The following CYFIP1 variants were observed in gnomAD, a reference collection of about 807,000 sequenced individuals.
The protein encoded by CYFIP1 is cytoplasmic FMR1-interacting protein 1.
In CYFIP1, 58 loss-of-function variants were observed where a neutral mutation model predicts 163.5. The ratio of observed to expected loss-of-function variants is 0.35; its 90% CI spans 0.29 to 0.44. The LOEUF (loss-of-function observed/expected upper bound fraction) is 0.44. Among genes scored for constraint, CYFIP1 ranks in the 20% least tolerant of loss-of-function variants. The pLI, the probability that CYFIP1 is intolerant of heterozygous loss-of-function variation, is 1.00. For synonymous variants in CYFIP1, 663 were observed against 660.7 expected (o/e 1.00, Z -0.05); for missense variants, 1,338 against 1,653.8 (o/e 0.81, Z 3.31).
At chr15:22,912,936 A>C (rs1282095036) in intron 17 of CYFIP1, among the ~76,000 whole-genome samples, 1 of 149,200 alleles carries the variant, frequency 6.7e-6, no homozygotes, top group Admixed American at 6.7e-5. Context: ...AATGATAGAG[A>C]ATGAACTCCA....
chr15:22,943,906 C>A (rs140878620), intron 5 of CYFIP1, among the ~76,000 whole-genome samples: 7 of 152,010 alleles, frequency 4.6e-5, no homozygotes, highest in Non-Finnish European at 8.8e-5. Flanking sequence ...CAGGGTGAGG[C>A]TAACAGCAAG....
chr15:22,932,221 A>C lies in CYFIP1; in HGVS notation c.1110+2T>G. On this transcript the variant is annotated splice_donor_variant, in intron 11 of 30. Coordinates refer to ENST00000617928, the MANE Select transcript of CYFIP1 (RefSeq NM_014608.6). LOFTEE classifies it high-confidence loss of function. ...TGTGCAGCTCCAGGTCGCGGGGCGC[A>C]CCTCGCTGTTGCTGTAGCGCGCCAG... 1 of 1,607,382 alleles carries C rather than the reference A, an allele frequency of 6.2e-7. No individual in the cohort carries two copies. The highest frequency in any genetic ancestry group is 8.5e-7 in the Non-Finnish European group (1 of 1,176,098).
intron 28 of CYFIP1, 34 bp from the exon 29 acceptor site, chr15:22,873,763 C>T (rs2059502853): frequency 2.6e-6 from 4 of 1,549,474 alleles, no homozygotes; most frequent in Non-Finnish European, 3.5e-6. Flanking sequence ...ATGCCGTGGG[C>T]CTCCAGGCAT....
intron 1 of CYFIP1, among the ~76,000 whole-genome samples, chr15:22,974,572 T>C (rs1595741718): frequency 3.9e-5 from 6 of 152,064 alleles, no homozygotes; most frequent in Admixed American, 3.9e-4. Flanking sequence ...CTACTAAAAA[T>C]GCAAAAAAAT....
In CYFIP1 at chr15:22,932,240, G is replaced by A. The variant is rs1271814625; in HGVS notation, c.1093C>T (p.Arg365Cys). 26 of 1,611,484 alleles carry A rather than the reference G, an allele frequency of 1.6e-5. No homozygotes were observed. The highest frequency in any genetic ancestry group is 5.0e-5 in the Admixed American group (3 of 59,620). ...DHMRFISELA[R>C]YSNSEVVTGS... Reference sequence around the variant, plus strand: ...GGGCGCACCTCGCTGTTGCTGTAGCGCGCCAGCTCCGAAATGAAGCGCATG... The same window carrying A: ...GGGCGCACCTCGCTGTTGCTGTAGCACGCCAGCTCCGAAATGAAGCGCATG... Residue 365 changes from arginine (R) to cysteine (C), a missense_variant, in exon 11 of 31, where the codon CGC becomes TGC. By Grantham distance (180) the Arg-to-Cys change is radical. This residue lies in a region of CYFIP1 where 824 missense variants were observed against 995.7 expected (regional missense o/e 0.83). Transcript: ENST00000617928.
At chr15:22,936,554 G>A (rs1254985924) in intron 9 of CYFIP1, among the ~76,000 whole-genome samples, 1 of 152,154 alleles carries the variant, frequency 6.6e-6, no homozygotes. Flanking sequence ...TGATGGGAAC[G>A]GAGATCAGGA....
intron 13 of CYFIP1, among the ~76,000 whole-genome samples, chr15:22,922,828 C>T (rs1240597042): frequency 1.3e-5 from 2 of 152,044 alleles, no homozygotes; most frequent in African/African-American, 2.4e-5. Flanking sequence ...CCTGTCTCTA[C>T]TAAAAATGCA....
At position 22,910,672 on chromosome 15, in the gene CYFIP1, T is replaced by G. The variant is rs2060757144; in HGVS notation, c.2160-44A>C. 3 of 1,606,162 alleles carry G rather than the reference T, an allele frequency of 1.9e-6. 1 individual carries two copies. Among genetic ancestry groups the G allele is most frequent in the African/African-American group, 2.7e-5 (2 of 74,708 alleles). The stretch of plus-strand genomic sequence containing the variant: ...AGAAAGTTTTTCATACGCCATAAAT[T>G]GTAATGGGAATGTCAGATCAAATTA... On this transcript the variant is annotated intron_variant, in intron 19 of 30. Transcript: ENST00000617928.
intron 24 of CYFIP1, among the ~76,000 whole-genome samples, chr15:22,882,636 C>T (rs1367257170): frequency 6.6e-6 from 1 of 152,012 alleles, no homozygotes; most frequent in African/African-American, 2.4e-5. Context: ...AAGACCCCCT[C>T]TCTACACATA....
intron 22 of CYFIP1, among the ~76,000 whole-genome samples, chr15:22,902,340 C>A (rs1392273748): frequency 6.6e-6 from 1 of 152,184 alleles, no homozygotes; most frequent in African/African-American, 2.4e-5. Context: ...AGGCGCCTGG[C>A]CATCCCCTCC....
intron 13 of CYFIP1, among the ~76,000 whole-genome samples, chr15:22,925,169 T>C (rs1284938044): frequency 6.6e-6 from 1 of 152,190 alleles, no homozygotes; most frequent in Admixed American, 6.5e-5. Context: ...TCATGATCCA[T>C]AGGATTGTTC....
At chr15:22,888,488 T>C (rs1315845753) in intron 23 of CYFIP1, among the ~76,000 whole-genome samples, 1 of 152,102 alleles carries the variant, frequency 6.6e-6, no homozygotes, top group African/African-American at 2.4e-5. Flanking sequence ...TCCCAGCACT[T>C]TGGGAGGCCC....
At chr15:22,911,936 CA>C (rs1158828141) in intron 18 of CYFIP1, among the ~76,000 whole-genome samples, 1 of 152,142 alleles carries the variant, frequency 6.6e-6, no homozygotes, top group African/African-American at 2.4e-5. Flanking sequence ...CATCAAAGAT[CA>C]TGCTCATAAC....
chr15:22,918,059 T>C, intron 14 of CYFIP1, 124 bp from the exon 15 acceptor site: 1 of 1,100,910 alleles, frequency 9.1e-7, no homozygotes, highest in Non-Finnish European at 1.3e-6. Flanking sequence ...CAAATTACTC[T>C]GGGGGCCATG....
chr15:22,888,531 CG>C (rs771034400), intron 23 of CYFIP1, among the ~76,000 whole-genome samples: 53 of 150,044 alleles, frequency 3.5e-4, no homozygotes, highest in Non-Finnish European at 6.5e-4. Context: ...CAGGAGTTCG[CG>C]ACCAGCCTGT....
chr15:22,872,789 A>G (rs2059474494), intron 30 of CYFIP1, 36 bp downstream of exon 30: 3 of 1,599,628 alleles, frequency 1.9e-6, no homozygotes, highest in Non-Finnish European at 2.6e-6. Flanking sequence ...CTTTTGCAAA[A>G]GGTCCATAGA....
At chr15:22,890,455 C>G (rs1413416735) in intron 23 of CYFIP1, among the ~76,000 whole-genome samples, 1 of 152,194 alleles carries the variant, frequency 6.6e-6, no homozygotes, top group Non-Finnish European at 1.5e-5. Context: ...TGTGGCGCAC[C>G]CCTGCCCAGG....
chr15:22,945,408 G>A (rs1287579461), intron 3 of CYFIP1, among the ~76,000 whole-genome samples: 3 of 152,184 alleles, frequency 2.0e-5, no homozygotes, highest in African/African-American at 4.8e-5. Flanking sequence ...GAAAAGTTAG[G>A]AGCACGCCCA....
intron 13 of CYFIP1, 71 bp from the exon 14 acceptor site, chr15:22,918,929 C>T: frequency 1.6e-6 from 2 of 1,261,068 alleles, no homozygotes; most frequent in Non-Finnish European, 2.2e-6. Context: ...CTGGCACATG[C>T]CGGGGGCTGC....
Sources: allele counts gnomAD v4.1 joint callset (sites outside exome capture counted in the v4.1 genomes callset), GRCh38; gene constraint gnomAD v4.1.1; regional missense constraint gnomAD v4.1.1; transcripts MANE v1.5; gene names NCBI Gene and HGNC (gene_info 2026-07-23, HGNC 2026-07-21).